The following ZNF536 variants were observed in gnomAD, a reference collection of about 807,000 sequenced individuals.
ZNF536 encodes the protein zinc finger protein 536.
In ZNF536, 13 loss-of-function variants were observed where a neutral mutation model predicts 84.5. The ratio of observed to expected loss-of-function variants is 0.15; its 90% CI spans 0.10 to 0.24. The LOEUF is 0.24. ZNF536 is among the 10% of genes least tolerant of loss of function. ZNF536 has a pLI of 1.00. For missense variants in ZNF536, 1,536 were observed against 1,747.5 expected (o/e 0.88, Z 2.16); for synonymous variants, 811 against 742.5 (o/e 1.09, Z -1.50).
At chr19:30,417,479 A>G (rs1194802988) in intron 1 of ZNF536, among the ~76,000 whole-genome samples, 1 of 152,118 alleles carries the variant, frequency 6.6e-6, no homozygotes, top group African/African-American at 2.4e-5. Flanking sequence ...TTCCATCTTG[A>G]TACAATCCAC....
At chr19:30,415,855 C>T (rs1185494495) in intron 1 of ZNF536, among the ~76,000 whole-genome samples, 1 of 152,204 alleles carries the variant, frequency 6.6e-6, no homozygotes, top group Non-Finnish European at 1.5e-5. Flanking sequence ...CGTGATCTGC[C>T]TACCTTGGCC....
At chr19:30,276,424 A>G (rs1373799261) in intron 1 of ZNF536, among the ~76,000 whole-genome samples, 2 of 152,224 alleles carry the variant, frequency 1.3e-5, no homozygotes, top group Non-Finnish European at 2.9e-5. Flanking sequence ...GTGAAGCAGT[A>G]CTAATTATTA....
intron 4 of ZNF536, among the ~76,000 whole-genome samples, chr19:30,550,384 C>A (rs866583056): frequency 1.3e-5 from 2 of 152,206 alleles, no homozygotes; most frequent in Admixed American, 6.5e-5. Flanking sequence ...AAGTCATTGT[C>A]TTGGCACCCT....
At chr19:30,328,231 T>C (rs12983310) in intron 2 of ZNF536, among the ~76,000 whole-genome samples, 4,684 of 152,314 alleles carry the variant, frequency 0.031, 102 homozygotes, top group Non-Finnish European at 0.046. Context: ...GTGACCATGA[T>C]GGCTGAAGAA....
chr19:30,411,075 T>C (rs1438922658), intron 1 of ZNF536, among the ~76,000 whole-genome samples: 1 of 152,208 alleles, frequency 6.6e-6, no homozygotes, highest in African/African-American at 2.4e-5. Flanking sequence ...TTGAATCATT[T>C]CCATTCTTTC....
intron 1 of ZNF536, among the ~76,000 whole-genome samples, chr19:30,659,258 G>C (rs1887202353): frequency 1.3e-5 from 2 of 151,072 alleles, no homozygotes; most frequent in South Asian, 4.2e-4. Flanking sequence ...GGAAGGTGAA[G>C]GGGAAGCAGG....
At chr19:30,317,337 A>T (rs2046712892) in intron 2 of ZNF536, among the ~76,000 whole-genome samples, 1 of 152,178 alleles carries the variant, frequency 6.6e-6, no homozygotes, top group African/African-American at 2.4e-5. Context: ...TTAGCCACCC[A>T]TGATCTCAAG....
At position 30,240,370 on chromosome 19, in the gene ZNF536, C is replaced by T. The variant is rs1474781638; in HGVS notation, c.-190+11697C>T. Among the ~76,000 whole-genome samples the T allele has an allele frequency of 7.6e-5, 10 of 130,774 alleles. No individual in the cohort carries two copies. In the East Asian group the frequency reaches 2.4e-3, roughly 31 times the overall value. 85.8% of individuals were successfully genotyped at this position (130,774 alleles called of 152,430 possible). On this transcript the variant is annotated intron_variant, in intron 1 of 5. Coordinates refer to the ZNF536 transcript ENST00000585628. ...CCTGGGTGACAGAGCAAGACTCTAT[C>T]TCAGAAAAAAAAAAAATCCAAGGAA...
At chr19:30,543,512 A>T (rs1322588771) in intron 3 of ZNF536, among the ~76,000 whole-genome samples, 1 of 152,190 alleles carries the variant, frequency 6.6e-6, no homozygotes, top group African/African-American at 2.4e-5. Context: ...GGCAGGCCCA[A>T]TGCCTGGCTC....
intron 2 of ZNF536, among the ~76,000 whole-genome samples, chr19:30,465,919 T>A (rs2053368884): frequency 6.6e-6 from 1 of 151,922 alleles, no homozygotes; most frequent in Non-Finnish European, 1.5e-5. Flanking sequence ...CCCAGCTAAT[T>A]TTTTATATTT....
At chr19:30,248,710 C>T (rs921744554) in intron 1 of ZNF536, among the ~76,000 whole-genome samples, 1 of 152,154 alleles carries the variant, frequency 6.6e-6, no homozygotes, top group African/African-American at 2.4e-5. Flanking sequence ...ACCAGTGGGA[C>T]AACATGTTAT....
chr19:30,450,679 A>G (rs1453972650), intron 2 of ZNF536, among the ~76,000 whole-genome samples: 1 of 152,204 alleles, frequency 6.6e-6, no homozygotes, highest in African/African-American at 2.4e-5. Flanking sequence ...TGATATTAGG[A>G]ACTTGAAATT....
intron 2 of ZNF536, among the ~76,000 whole-genome samples, chr19:30,521,476 A>G (rs1410508358): frequency 2.0e-5 from 3 of 152,254 alleles, no homozygotes; most frequent in Non-Finnish European, 4.4e-5. Flanking sequence ...TCCCATTGAG[A>G]ATTTGCCAGA....
chr19:30,343,360 A>G (rs1015031542), intron 2 of ZNF536, among the ~76,000 whole-genome samples: 1 of 152,176 alleles, frequency 6.6e-6, no homozygotes, highest in African/African-American at 2.4e-5. Flanking sequence ...TCCAAAAGCC[A>G]CACCTAGTGA....
chr19:30,502,994 A>G (rs576720412), intron 2 of ZNF536, among the ~76,000 whole-genome samples: 1 of 152,378 alleles, frequency 6.6e-6, no homozygotes, highest in Non-Finnish European at 1.5e-5. Context: ...CTCCAACCAT[A>G]ACATCTGAGC....
At chr19:30,474,565 G>T (rs1220867417) in intron 2 of ZNF536, among the ~76,000 whole-genome samples, 1 of 152,138 alleles carries the variant, frequency 6.6e-6, no homozygotes, top group Admixed American at 6.5e-5. Context: ...CTCTGTCGGG[G>T]TGAAAGCACT....
intron 1 of ZNF536, among the ~76,000 whole-genome samples, chr19:30,245,609 C>G (rs1338223203): frequency 6.6e-6 from 1 of 152,250 alleles, no homozygotes. Flanking sequence ...AGCTGTGACT[C>G]TCTCCCAGCC....
At chr19:30,373,630 T>G (rs2048694778) in intron 1 of ZNF536, among the ~76,000 whole-genome samples, 1 of 152,152 alleles carries the variant, frequency 6.6e-6, no homozygotes, top group Non-Finnish European at 1.5e-5. Context: ...GAAAAATTGC[T>G]TGGAACGAAG....
intron 2 of ZNF536, among the ~76,000 whole-genome samples, chr19:30,463,181 T>G (rs2053233934): frequency 1.3e-5 from 2 of 152,156 alleles, no homozygotes; most frequent in Non-Finnish European, 2.9e-5. Context: ...TGATGGCTTA[T>G]TATTACATAG....
Sources: gnomAD v4.1 joint callset for allele counts (sites outside exome capture counted in the v4.1 genomes callset) on GRCh38, gnomAD v4.1.1 for gene constraint, MANE v1.5 for transcripts, NCBI Gene and HGNC (gene_info 2026-07-23, HGNC 2026-07-21) for gene names.